Variants in WDFY2 observed in about 807,000 individuals in gnomAD.
The protein encoded by WDFY2 is WD repeat and FYVE domain-containing protein 2.
Under a neutral mutation model 56.4 loss-of-function variants are expected in WDFY2, and 36 were observed. That is an observed-to-expected ratio of 0.64 (90% CI 0.49 to 0.84). The LOEUF (loss-of-function observed/expected upper bound fraction) is 0.84. Ranked by LOEUF, WDFY2 falls within the 40% of genes least tolerant of loss-of-function variation. The probability of loss-of-function intolerance (pLI) is 0.00; values close to 1 mark genes in which losing one functional copy is unlikely to be tolerated. For synonymous variants in WDFY2, 176 were observed against 183.7 expected (o/e 0.96, Z 0.34); for missense variants, 444 against 512.2 (o/e 0.87, Z 1.29).
chr13:51,737,668 A>T (rs796283343), intron 6 of WDFY2, among the ~76,000 whole-genome samples: 6 of 151,804 alleles, frequency 4.0e-5, no homozygotes, highest in African/African-American at 1.4e-4. Flanking sequence ...GAAGTGGAGA[A>T]AATTATCTTT....
intron 1 of WDFY2, chr13:51,598,640 T>C (rs1954202867): frequency 6.6e-6 from 1 of 152,188 alleles, no homozygotes; most frequent in African/African-American, 2.4e-5. Flanking sequence ...AATAGGACTA[T>C]GTGTACTCGG....
At chr13:51,707,939 C>CTTTT (rs56054205) in intron 4 of WDFY2, among the ~76,000 whole-genome samples, 2,859 of 57,624 alleles carry the variant, frequency 0.05, 602 homozygotes, top group African/African-American at 0.084. Context: ...CCTAAAACAA[C>CTTTT]TTTTTTTTTT....
intron 1 of WDFY2, among the ~76,000 whole-genome samples, chr13:51,626,698 C>T (rs1954840676): frequency 1.3e-5 from 2 of 152,186 alleles, no homozygotes; most frequent in South Asian, 4.1e-4. Flanking sequence ...TTCCTCTCTT[C>T]AGTGTTTCAT....
intron 7 of WDFY2, among the ~76,000 whole-genome samples, chr13:51,741,430 C>A (rs2138693635): frequency 6.6e-6 from 1 of 152,358 alleles, no homozygotes; most frequent in South Asian, 2.1e-4. Flanking sequence ...TAAACTTCCT[C>A]AGCATCAGTC....
At chr13:51,689,730 A>G (rs749805229) in intron 3 of WDFY2, among the ~76,000 whole-genome samples, 25 of 152,172 alleles carry the variant, frequency 1.6e-4, no homozygotes, top group Admixed American at 3.3e-4. Context: ...ACAATGTCCC[A>G]TTGTTTGGTA....
chr13:51,695,996 TC>T (rs1278259328), intron 3 of WDFY2, among the ~76,000 whole-genome samples: 8 of 152,154 alleles, frequency 5.3e-5, no homozygotes, highest in Non-Finnish European at 8.8e-5. Context: ...CGGGATATAA[TC>T]TCCTGGTGGG....
chr13:51,652,752 C>T (rs965282644), intron 1 of WDFY2, among the ~76,000 whole-genome samples: 2 of 152,224 alleles, frequency 1.3e-5, no homozygotes, highest in Non-Finnish European at 2.9e-5. Context: ...TTCTGGCTTG[C>T]AGAGTTTGTG....
At chr13:51,648,760 T>C (rs571224224) in intron 1 of WDFY2, among the ~76,000 whole-genome samples, 2 of 152,190 alleles carry the variant, frequency 1.3e-5, no homozygotes, top group Non-Finnish European at 2.9e-5. Context: ...AATTTTGTTT[T>C]AGGTCTACAG....
chr13:51,669,115 G>A (rs1321181334), intron 2 of WDFY2, among the ~76,000 whole-genome samples: 1 of 152,168 alleles, frequency 6.6e-6, no homozygotes, highest in African/African-American at 2.4e-5. Flanking sequence ...TGACTCTGCT[G>A]AGATTTTTAT....
At chr13:51,641,812 C>A (rs1048264340) in intron 1 of WDFY2, among the ~76,000 whole-genome samples, 1 of 106,460 alleles carries the variant, frequency 9.4e-6, no homozygotes, top group Non-Finnish European at 1.7e-5. Flanking sequence ...GGCGACAGAG[C>A]GAGACTCCGT....
At chr13:51,717,733 T>C (rs1156762192) in intron 4 of WDFY2, among the ~76,000 whole-genome samples, 1 of 152,188 alleles carries the variant, frequency 6.6e-6, no homozygotes, top group East Asian at 1.9e-4. Flanking sequence ...ATCTTTTAGT[T>C]AAAGCCTGTG....
chr13:51,658,893 T>C (rs1258332207), intron 1 of WDFY2, among the ~76,000 whole-genome samples: 1 of 152,120 alleles, frequency 6.6e-6, no homozygotes, highest in Non-Finnish European at 1.5e-5. Context: ...TGGTCTAGTC[T>C]TTTTCCTACT....
intron 2 of WDFY2, among the ~76,000 whole-genome samples, chr13:51,667,876 CTTCTTTTT>C (rs1955736385): frequency 1.0e-5 from 1 of 97,138 alleles, no homozygotes; most frequent in African/African-American, 4.6e-5. Flanking sequence ...ACCTGAGGAA[CTTCTTTTT>C]TTTTTTTTTT....
intron 1 of WDFY2, among the ~76,000 whole-genome samples, chr13:51,604,068 TC>T (rs754160669): frequency 2.6e-5 from 4 of 152,168 alleles, no homozygotes; most frequent in Non-Finnish European, 4.4e-5. Flanking sequence ...GTGCTAGAAA[TC>T]AATTTTTGTG....
intron 1 of WDFY2, among the ~76,000 whole-genome samples, chr13:51,654,875 T>C (rs1404691061): frequency 1.3e-5 from 2 of 152,198 alleles, no homozygotes; most frequent in African/African-American, 2.4e-5. Context: ...TGTAAAGATT[T>C]ATCAATTGCC....
chr13:51,633,867 C>G (rs567009176), intron 1 of WDFY2, among the ~76,000 whole-genome samples: 1 of 152,188 alleles, frequency 6.6e-6, no homozygotes, highest in South Asian at 2.1e-4. Flanking sequence ...AGTATATATA[C>G]TTTGGTCTGT....
At chr13:51,621,821 A>G (rs1348321789) in intron 1 of WDFY2, among the ~76,000 whole-genome samples, 1 of 152,164 alleles carries the variant, frequency 6.6e-6, no homozygotes, top group Non-Finnish European at 1.5e-5. Flanking sequence ...AATGACTCTA[A>G]AACTTGGGTG....
intron 4 of WDFY2, among the ~76,000 whole-genome samples, chr13:51,707,939 CTTTTTTTTTTT>C (rs56054205): frequency 0.081 from 4,637 of 57,480 alleles, 98 homozygotes; most frequent in Middle Eastern, 0.16. Context: ...CCTAAAACAA[CTTTTTTTTTTT>C]TTTTTTTTTT....
chr13:51,740,861 C>T (rs1952956095), intron 7 of WDFY2, among the ~76,000 whole-genome samples: 1 of 152,192 alleles, frequency 6.6e-6, no homozygotes, highest in South Asian at 2.1e-4. Context: ...TGGACTCATT[C>T]ATTTCACTCC....
Sources: allele counts gnomAD v4.1 joint callset (sites outside exome capture counted in the v4.1 genomes callset), GRCh38; gene constraint gnomAD v4.1.1; transcripts MANE v1.5; gene names NCBI Gene and HGNC (gene_info 2026-07-23, HGNC 2026-07-21).